Variants in PIWIL2 observed in about 807,000 individuals in gnomAD.
The protein encoded by PIWIL2 is piwi-like protein 2.
PIWIL2 carries 81 observed loss-of-function variants against 116.5 expected under a neutral mutation model. The ratio of observed to expected loss-of-function variants is 0.70; its 90% CI spans 0.58 to 0.84. The LOEUF (loss-of-function observed/expected upper bound fraction) is 0.84. Ranked by LOEUF, PIWIL2 falls within the 40% of genes least tolerant of loss-of-function variation. The pLI, the probability that PIWIL2 is intolerant of heterozygous loss-of-function variation, is 0.00. For missense variants in PIWIL2, 1,272 were observed against 1,212.3 expected (o/e 1.05, Z -0.73); for synonymous variants, 489 against 429.5 (o/e 1.14, Z -1.71).
In PIWIL2 at chr8:22,316,346, C is replaced by G. The variant is rs769896508; in HGVS notation, c.2297+13C>G. On this transcript the variant is annotated intron_variant, in intron 19 of 22. Coordinates refer to ENST00000356766, the MANE Select transcript of PIWIL2 (RefSeq NM_018068.5). The stretch of plus-strand genomic sequence containing the variant: ...CAAGCATCAATCTGTAAGTACTGCT[C>G]ACAGTGCCATCTTGTTTGATTATTT... 1.3e-6 allele frequency: 2 copies of G among 1,501,958 alleles called. No homozygotes were observed. 93.0% of individuals were successfully genotyped at this position (1,501,958 alleles called of 1,614,324 possible).
intron 14 of PIWIL2, among the ~76,000 whole-genome samples, chr8:22,308,668 A>C (rs991382339): frequency 2.6e-5 from 4 of 152,112 alleles, no homozygotes; most frequent in African/African-American, 7.2e-5. Flanking sequence ...AAATTAACTA[A>C]TTTAAAAAAA....
chr8:22,332,852 A>G (rs545019300), intron 20 of PIWIL2, among the ~76,000 whole-genome samples: 6 of 152,292 alleles, frequency 3.9e-5, no homozygotes, highest in Admixed American at 2.0e-4. Context: ...TTATTCAGCT[A>G]GAAGGAACAT....
intron 20 of PIWIL2, among the ~76,000 whole-genome samples, chr8:22,338,313 T>C (rs188853674): frequency 6.6e-5 from 10 of 152,314 alleles, no homozygotes; most frequent in Non-Finnish European, 4.4e-5. Context: ...GGTTGCAGGA[T>C]ACACAGTTAT....
intron 13 of PIWIL2, among the ~76,000 whole-genome samples, chr8:22,306,359 T>C (rs1831177996): frequency 6.6e-6 from 1 of 152,226 alleles, no homozygotes; most frequent in Admixed American, 6.5e-5. Flanking sequence ...TGAGGTTCTT[T>C]GAGAGCACTG....
At chr8:22,295,703 T>C (rs1428874191) in intron 10 of PIWIL2, among the ~76,000 whole-genome samples, 1 of 152,164 alleles carries the variant, frequency 6.6e-6, no homozygotes, top group African/African-American at 2.4e-5. Context: ...TCCCTGTTCT[T>C]ATGGATCACT....
intron 13 of PIWIL2, among the ~76,000 whole-genome samples, chr8:22,307,600 A>C (rs1163890707): frequency 6.7e-6 from 1 of 148,706 alleles, no homozygotes; most frequent in East Asian, 2.0e-4. Context: ...CTCCTGCCTC[A>C]GCCTCCTGAG....
At chr8:22,354,237 G>T in intron 21 of PIWIL2, 34 bp from the exon 22 acceptor site, 4 of 1,385,522 alleles carry the variant, frequency 2.9e-6, no homozygotes, top group South Asian at 2.3e-5. Context: ...GGCTGAATCC[G>T]ACCATTTCAC....
Position 22,290,347 on chromosome 8 carries a change from G to A in PIWIL2, c.1181+1G>A. On this transcript the variant is annotated splice_donor_variant, in intron 10 of 22. Coordinates refer to ENST00000356766, the MANE Select transcript of PIWIL2 (RefSeq NM_018068.5). LOFTEE classifies it high-confidence loss of function. The stretch of plus-strand genomic sequence containing the variant: ...GGAATGACTGTGTGCTGGATGTCAT[G>A]TGAGTGAATGGTGGGGTCTATCTTT... 1 of 1,549,072 alleles carries A rather than the reference G, an allele frequency of 6.5e-7. No individual in the cohort carries two copies. The highest frequency in any genetic ancestry group is 1.1e-5 in the South Asian group (1 of 89,234).
intron 20 of PIWIL2, among the ~76,000 whole-genome samples, chr8:22,338,544 C>T (rs1434893856): frequency 6.6e-6 from 1 of 151,696 alleles, no homozygotes; most frequent in Non-Finnish European, 1.5e-5. Flanking sequence ...CGCAAAAGAA[C>T]AGCTGGGTGT....
At chr8:22,329,531 G>T (rs1831809413) in intron 20 of PIWIL2, among the ~76,000 whole-genome samples, 2 of 152,232 alleles carry the variant, frequency 1.3e-5, no homozygotes, top group Non-Finnish European at 2.9e-5. Flanking sequence ...CCAAATCTTT[G>T]TGTAAACTCA....
At chr8:22,301,298 C>G (rs1277977939) in intron 10 of PIWIL2, among the ~76,000 whole-genome samples, 1 of 151,218 alleles carries the variant, frequency 6.6e-6, no homozygotes, top group East Asian at 2.0e-4. Context: ...GTTTTTTATT[C>G]TTTTATTATT....
At chr8:22,345,366 A>G (rs967025315) in intron 20 of PIWIL2, among the ~76,000 whole-genome samples, 21 of 152,216 alleles carry the variant, frequency 1.4e-4, no homozygotes, top group Admixed American at 2.0e-4. Context: ...CAGAAATTGA[A>G]ATAATACAAA....
intron 18 of PIWIL2, 54 bp downstream of exon 18, chr8:22,315,199 T>C: frequency 1.1e-6 from 1 of 939,674 alleles, no homozygotes; most frequent in Admixed American, 1.7e-5. Flanking sequence ...CTCCAAGCTG[T>C]TTTCCTGTTT....
rs148351249 is a variant in PIWIL2, at chr8:22,298,572, A to G, written c.1182-5449A>G. 4.6e-5 allele frequency among the ~76,000 whole-genome samples: 7 copies of G among 152,330 alleles called. No individual in the cohort carries two copies. The East Asian group carries it at 1.3e-3, about 29-fold the overall frequency. On this transcript the variant is annotated intron_variant, in intron 10 of 22. Coordinates refer to ENST00000356766, the MANE Select transcript of PIWIL2 (RefSeq NM_018068.5). ...ATCTGAAGAACAAAGAGTTAAACAC[A>G]AGGGCCCAGTGAGTGGATTGTTGGT...
In PIWIL2 at chr8:22,283,082, A is replaced by G; in HGVS notation, c.474A>G (p.Arg158=). ...ATGCGTCTTTATTACCACTGGGAAG[A>G]GCAGCAGGTGGTATCAGCAGAGAAG... ...SSDASLLPLG[R]AAGGISREVD... is the part of the protein sequence containing the mutation. Residue 158 remains arginine, a synonymous_variant, in exon 5 of 23, where the codon AGA becomes AGG. Transcript: ENST00000356766. 1 of 1,614,160 alleles carries G rather than the reference A, an allele frequency of 6.2e-7. No homozygotes were observed. The highest frequency in any genetic ancestry group is 8.5e-7 in the Non-Finnish European group (1 of 1,180,010).
intron 1 of PIWIL2, among the ~76,000 whole-genome samples, chr8:22,276,359 A>T (rs529082783): frequency 1.3e-5 from 2 of 152,244 alleles, no homozygotes; most frequent in South Asian, 4.1e-4. Flanking sequence ...TCCGTAGCGC[A>T]GGCTGGAGTG....
At chr8:22,324,545 C>T (rs887281216) in intron 20 of PIWIL2, among the ~76,000 whole-genome samples, 26 of 152,060 alleles carry the variant, frequency 1.7e-4, no homozygotes, top group African/African-American at 6.3e-4. Flanking sequence ...CTGTGAACCC[C>T]AGTTTTGCCA....
At position 22,355,386 on chromosome 8, in the gene PIWIL2, C is replaced by T. The variant is rs936707191; in HGVS notation, c.2803C>T (p.Pro935Ser). ...ACTGTGCCACATGTACTGGAATTGG[C>T]CTGGCACCATCAGAGTTCCAGCTCC... ...FKLCHMYWNW[P>S]GTIRVPAPCK... Residue 935 changes from proline (P) to serine (S), a missense_variant, in exon 23 of 23, where the codon CCT becomes TCT. By Grantham distance (74) the Pro-to-Ser change is moderately conservative. Transcript: ENST00000356766. The T allele has an allele frequency of 3.1e-6, 5 of 1,614,138 alleles. No individual in the cohort carries two copies. The highest frequency in any genetic ancestry group is 1.6e-4 in the Middle Eastern group (1 of 6,062).
intron 13 of PIWIL2, among the ~76,000 whole-genome samples, chr8:22,306,546 C>T (rs977661465): frequency 4.6e-5 from 7 of 152,140 alleles, no homozygotes; most frequent in Non-Finnish European, 8.8e-5. Context: ...GGGTACAGCA[C>T]CTAGCACCTA....
Sources: allele counts gnomAD v4.1 joint callset (sites outside exome capture counted in the v4.1 genomes callset), GRCh38; gene constraint gnomAD v4.1.1; transcripts MANE v1.5; gene names NCBI Gene and HGNC (gene_info 2026-07-23, HGNC 2026-07-21).